The following PADI6 variants were observed in gnomAD, a reference collection of about 807,000 sequenced individuals.
The protein encoded by PADI6 is inactive protein-arginine deiminase type-6.
PADI6 carries 66 observed loss-of-function variants against 78.2 expected under a neutral mutation model. The ratio of observed to expected loss-of-function variants is 0.84; its 90% CI spans 0.69 to 1.04. The LOEUF is 1.04. Among genes scored for constraint, PADI6 ranks in the 50% least tolerant of loss-of-function variants. The pLI, the probability that PADI6 is intolerant of heterozygous loss-of-function variation, is 0.00. For missense variants in PADI6, 854 were observed against 866.1 expected (o/e 0.99, Z 0.18); for synonymous variants, 397 against 346.9 (o/e 1.14, Z -1.60).
intron 8 of PADI6, among the ~76,000 whole-genome samples, chr1:17,391,503 C>T (rs987664961): frequency 5.3e-5 from 8 of 152,276 alleles, no homozygotes; most frequent in African/African-American, 7.2e-5. Flanking sequence ...TACAGGCGTG[C>T]GCCACTGCGT....
chr1:17,384,471 G>T (rs952780965), intron 6 of PADI6, among the ~76,000 whole-genome samples: 1 of 150,102 alleles, frequency 6.7e-6, no homozygotes, highest in African/African-American at 2.5e-5. Context: ...CAGGCGTGGT[G>T]GTTCATGCCT....
chr1:17,386,515 G>A (rs1019268956), intron 6 of PADI6, among the ~76,000 whole-genome samples: 7 of 152,212 alleles, frequency 4.6e-5, no homozygotes, highest in African/African-American at 1.4e-4. Context: ...GCATGCCGTG[G>A]GCCTGCTGAT....
intron 2 of PADI6, among the ~76,000 whole-genome samples, chr1:17,374,726 AC>A (rs1271391449): frequency 6.6e-6 from 1 of 152,140 alleles, no homozygotes; most frequent in African/African-American, 2.4e-5. Context: ...GGCCTCCAGG[AC>A]CCTCAGGAGT....
chr1:17,379,819 C>T (rs1210082351), intron 3 of PADI6, 101 bp from the exon 4 acceptor site: 7 of 983,240 alleles, frequency 7.1e-6, no homozygotes, highest in Non-Finnish European at 1.1e-5. Context: ...GGCTAGATGC[C>T]CTGATGCCAG....
intron 8 of PADI6, 115 bp from the exon 9 acceptor site, chr1:17,391,999 G>T: frequency 1.2e-6 from 1 of 828,562 alleles, no homozygotes; most frequent in Non-Finnish European, 1.9e-6. Context: ...TCACGGGCAG[G>T]GATGTAACCT....
chr1:17,398,856 C>A lies in PADI6; in HGVS notation c.1851+9C>A. ...CATACTTCCCTGACCTGGTGAGGGG[C>A]GACTGCGCATCCCTGGGTGGGGGAG... On this transcript the variant is annotated intron_variant, in intron 15 of 15. Transcript: ENST00000619609. 1 of 1,612,192 alleles carries A rather than the reference C, an allele frequency of 6.2e-7. No individual in the cohort carries two copies. The highest frequency in any genetic ancestry group is 1.3e-5 in the African/African-American group (1 of 74,894).
chr1:17,391,847 G>A (rs2075187605), intron 8 of PADI6, among the ~76,000 whole-genome samples: 1 of 152,216 alleles, frequency 6.6e-6, no homozygotes, highest in Admixed American at 6.5e-5. Context: ...TATAAACAGA[G>A]CAGGCCTTGG....
At chr1:17,373,629 CT>C (rs2074986209) in intron 2 of PADI6, among the ~76,000 whole-genome samples, 1 of 151,948 alleles carries the variant, frequency 6.6e-6, no homozygotes, top group African/African-American at 2.4e-5. Context: ...GTAGCTGGGA[CT>C]ACAGGCACCC....
intron 4 of PADI6, 63 bp from the exon 5 acceptor site, chr1:17,380,984 C>G: frequency 7.3e-7 from 1 of 1,372,114 alleles, no homozygotes; most frequent in Admixed American, 2.0e-5. Context: ...CTATGAGGTG[C>G]ATCCGAGAAA....
intron 14 of PADI6, among the ~76,000 whole-genome samples, chr1:17,397,464 G>A (rs541951499): frequency 2.6e-5 from 4 of 152,318 alleles, no homozygotes; most frequent in Admixed American, 1.3e-4. Flanking sequence ...GGGTGGGACA[G>A]GGGCAGGGAG....
intron 3 of PADI6, among the ~76,000 whole-genome samples, chr1:17,378,259 T>G: frequency 6.6e-6 from 1 of 152,166 alleles, no homozygotes; most frequent in East Asian, 1.9e-4. Context: ...CCACCCCTGG[T>G]GTACACATAT....
intron 15 of PADI6, among the ~76,000 whole-genome samples, chr1:17,400,691 C>G (rs1170319960): frequency 6.6e-6 from 1 of 152,152 alleles, no homozygotes; most frequent in Non-Finnish European, 1.5e-5. Flanking sequence ...GTAAAATGAA[C>G]TGAGGCATTT....
At position 17,388,522 on chromosome 1, in the gene PADI6, C is replaced by T. The variant is rs1373026666; in HGVS notation, c.821C>T (p.Ser274Phe). ...FPSAEFSGLI[S>F]YSVSLVEESQ... ...TCTGCCGAATTCTCAGGCCTCATCT[C>T]CTACTCTGTGTCCCTGGTGGAGGAG... The change falls in exon 7 of 16, where the codon TCC (serine) becomes TTC (phenylalanine). Residue 274 changes from serine to phenylalanine, a missense_variant. Coordinates refer to ENST00000619609, the MANE Select transcript of PADI6 (RefSeq NM_207421.4). 1.9e-6 allele frequency: 3 copies of T among 1,613,310 alleles called. No individual in the cohort carries two copies. Among genetic ancestry groups the T allele is most frequent in the Admixed American group, 1.7e-5 (1 of 59,990 alleles).
In PADI6 at chr1:17,401,470, A is replaced by T. The variant is rs11584277; in HGVS notation, c.*32A>T. On this transcript the variant is annotated 3_prime_UTR_variant, in exon 16 of 16. Coordinates refer to ENST00000619609, the MANE Select transcript of PADI6 (RefSeq NM_207421.4). ...GCCCTGGAGCTGCCAGCTCTGCCCC[A>T]GCGTGGATGGCCCACTGTCACCATG... 3.9e-4 allele frequency: 611 copies of T among 1,573,968 alleles called. 5 individuals are homozygous for T. The African/African-American group carries it at 6.4e-3, about 16-fold the overall frequency.
chr1:17,394,453 A>AG lies in PADI6; in HGVS notation c.1337+1dup. 6.2e-7 allele frequency: 1 copy of AG among 1,612,420 alleles called. No individual in the cohort carries two copies. Among genetic ancestry groups the AG allele is most frequent in the Non-Finnish European group, 8.5e-7 (1 of 1,178,950 alleles). ...CCTCATTGGCAGCAGCTTTTACCCC[A>AG]GGTGAGCCACAAAGCCAGACGCCTC... On this transcript the variant is annotated frameshift_variant and splice_region_variant, in exon 11 of 16. Transcript: ENST00000619609. LOFTEE classifies it high-confidence loss of function.
Position 17,381,040 on chromosome 1 carries a change from T to C in PADI6, c.436-7T>C, listed in dbSNP as rs1022535903. 4 of 1,586,710 alleles carry C rather than the reference T, an allele frequency of 2.5e-6. No individual in the cohort carries two copies. Among genetic ancestry groups the C allele is most frequent in the Admixed American group, 1.8e-5 (1 of 55,462 alleles). ...TTCCTGAGCCAATGTTCCCATCTCA[T>C]TTGCAGAAAAAATGGATCTGGGGTC... On this transcript the variant is annotated splice_region_variant and splice_polypyrimidine_tract_variant and intron_variant, in intron 4 of 15. Coordinates refer to ENST00000619609, the MANE Select transcript of PADI6 (RefSeq NM_207421.4).
intron 8 of PADI6, among the ~76,000 whole-genome samples, chr1:17,390,798 G>GT (rs2075174380): frequency 1.3e-5 from 2 of 152,142 alleles, no homozygotes; most frequent in African/African-American, 4.8e-5. Flanking sequence ...GAGAGATGTG[G>GT]TATCTCGAGT....
chr1:17,395,874 G>GT (rs1241713097), intron 13 of PADI6, among the ~76,000 whole-genome samples: 3 of 152,206 alleles, frequency 2.0e-5, no homozygotes, highest in Non-Finnish European at 4.4e-5. Context: ...CCTGGAGGCT[G>GT]TTTGGATGTA....
chr1:17,401,064 A>G (rs1008723143), intron 15 of PADI6, 141 bp from the exon 16 acceptor site: 1 of 694,376 alleles, frequency 1.4e-6, no homozygotes. Context: ...GGGCTAAGCA[A>G]AAGTGAGCTG....
Sources: allele counts gnomAD v4.1 joint callset (sites outside exome capture counted in the v4.1 genomes callset), GRCh38; gene constraint gnomAD v4.1.1; transcripts MANE v1.5; gene names NCBI Gene and HGNC (gene_info 2026-07-23, HGNC 2026-07-21).